PLPPR1: variants seen among roughly 807,000 people sequenced by gnomAD.
The protein encoded by PLPPR1 is phospholipid phosphatase-related protein type 1.
PLPPR1 carries 10 observed loss-of-function variants against 33.1 expected under a neutral mutation model. That is an observed-to-expected ratio of 0.30 (90% CI 0.19 to 0.51). The LOEUF is 0.51. Ranked by LOEUF, PLPPR1 falls within the 20% of genes least tolerant of loss-of-function variation. The pLI is 0.97. For missense variants in PLPPR1, 304 were observed against 408.1 expected (o/e 0.74, Z 2.20); for synonymous variants, 151 against 151.0 (o/e 1.00, Z 0.00).
At chr9:101,263,566 A>G (rs1827937136) in intron 2 of PLPPR1, among the ~76,000 whole-genome samples, 1 of 152,210 alleles carries the variant, frequency 6.6e-6, no homozygotes, top group Non-Finnish European at 1.5e-5. Context: ...GAGAAAACTG[A>G]CACTTGGAAA....
chr9:101,211,436 G>A (rs1028474566), intron 2 of PLPPR1, among the ~76,000 whole-genome samples: 1 of 152,168 alleles, frequency 6.6e-6, no homozygotes, highest in Non-Finnish European at 1.5e-5. Context: ...ATGAGTGACT[G>A]AGATATCTAA....
chr9:101,203,365 A>G (rs974828046), intron 2 of PLPPR1, among the ~76,000 whole-genome samples: 6 of 151,994 alleles, frequency 3.9e-5, no homozygotes, highest in Non-Finnish European at 5.9e-5. Flanking sequence ...TTAGGGGGGG[A>G]AAAAGACTTT....
Position 101,224,521 on chromosome 9 carries a change from G to A in PLPPR1, c.63+38964G>A, listed in dbSNP as rs183662588. 4.0e-4 allele frequency among the ~76,000 whole-genome samples: 61 copies of A among 152,174 alleles called. No individual in the cohort carries two copies. In the East Asian group the frequency reaches 0.011, roughly 27 times the overall value. On this transcript the variant is annotated intron_variant, in intron 2 of 7. Transcript: ENST00000374874. ...GGCATCGTGGTGACGGTTTCACTTC[G>A]GAAAGAAAACACACTATGAGCTCTG...
chr9:101,194,240 A>G (rs1826353202), intron 2 of PLPPR1, among the ~76,000 whole-genome samples: 1 of 152,220 alleles, frequency 6.6e-6, no homozygotes, highest in African/African-American at 2.4e-5. Context: ...CAACCCAGCT[A>G]TATAAAATCT....
chr9:101,032,429 C>A (rs149258698), intron 1 of PLPPR1, among the ~76,000 whole-genome samples: 47 of 152,198 alleles, frequency 3.1e-4, no homozygotes, highest in African/African-American at 1.1e-3. Flanking sequence ...ATCTGAAAGA[C>A]AAGTGAAATA....
At chr9:101,110,780 G>T (rs1367685209) in intron 1 of PLPPR1, among the ~76,000 whole-genome samples, 2 of 152,080 alleles carry the variant, frequency 1.3e-5, no homozygotes, top group African/African-American at 4.8e-5. Flanking sequence ...ATAGGTGTTT[G>T]CTTTTTGAGA....
intron 2 of PLPPR1, among the ~76,000 whole-genome samples, chr9:101,216,373 T>G (rs939679547): frequency 6.6e-6 from 1 of 152,148 alleles, no homozygotes; most frequent in Admixed American, 6.5e-5. Context: ...GATTGGATTT[T>G]TTTGTTTGTT....
At chr9:101,176,279 G>A (rs571106716) in intron 1 of PLPPR1, among the ~76,000 whole-genome samples, 28 of 152,214 alleles carry the variant, frequency 1.8e-4, no homozygotes, top group African/African-American at 5.8e-4. Flanking sequence ...AGGTAAGGAG[G>A]GTCCCAAAAC....
intron 1 of PLPPR1, among the ~76,000 whole-genome samples, chr9:101,036,962 G>T (rs73508740): frequency 0.037 from 5,681 of 152,142 alleles, 276 homozygotes; most frequent in South Asian, 0.2. Flanking sequence ...CTGAAAACCT[G>T]ATCTAAGTCC....
chr9:101,297,486 T>C, intron 4 of PLPPR1, among the ~76,000 whole-genome samples: 1 of 152,244 alleles, frequency 6.6e-6, no homozygotes, highest in Non-Finnish European at 1.5e-5. Context: ...TAGCAAATGC[T>C]AATGGTGTTG....
chr9:101,197,707 G>A (rs446911), intron 2 of PLPPR1, among the ~76,000 whole-genome samples: 134,355 of 152,246 alleles, frequency 0.88, 59,363 homozygotes, highest in East Asian at 0.95. Flanking sequence ...CATTTTCTGC[G>A]TTGAACTTGT....
At chr9:101,248,082 C>A (rs1395976775) in intron 2 of PLPPR1, among the ~76,000 whole-genome samples, 1 of 151,954 alleles carries the variant, frequency 6.6e-6, no homozygotes, top group African/African-American at 2.4e-5. Context: ...TATAAGGTGT[C>A]AGGTGATGAA....
chr9:101,107,979 G>A (rs917379528), intron 1 of PLPPR1, among the ~76,000 whole-genome samples: 6 of 150,044 alleles, frequency 4.0e-5, no homozygotes, highest in African/African-American at 1.2e-4. Flanking sequence ...CGCTTCCCAG[G>A]TGAGGCAATG....
intron 2 of PLPPR1, among the ~76,000 whole-genome samples, chr9:101,191,068 A>G (rs1826289700): frequency 6.6e-6 from 1 of 152,184 alleles, no homozygotes; most frequent in African/African-American, 2.4e-5. Flanking sequence ...TTTAAAAGCC[A>G]GGATATAAAC....
At chr9:101,305,525 G>A (rs1828842693) in intron 4 of PLPPR1, among the ~76,000 whole-genome samples, 1 of 152,046 alleles carries the variant, frequency 6.6e-6, no homozygotes, top group African/African-American at 2.4e-5. Flanking sequence ...AGACTTTCCG[G>A]GCCTAAAAGG....
intron 1 of PLPPR1, among the ~76,000 whole-genome samples, chr9:101,175,638 C>G (rs1826007937): frequency 6.6e-6 from 1 of 152,130 alleles, no homozygotes; most frequent in South Asian, 2.1e-4. Context: ...ATTTGACTAG[C>G]TTATTGCTTC....
At chr9:101,085,861 CG>C (rs200287379) in intron 1 of PLPPR1, among the ~76,000 whole-genome samples, 22 of 151,130 alleles carry the variant, frequency 1.5e-4, no homozygotes, top group East Asian at 5.9e-4. Context: ...GGAAATGGAC[CG>C]GGGGGGGCTC....
chr9:101,217,225 TA>T (rs1276153254), intron 2 of PLPPR1, among the ~76,000 whole-genome samples: 1 of 151,856 alleles, frequency 6.6e-6, no homozygotes, highest in Non-Finnish European at 1.5e-5. Flanking sequence ...TCTATCACAT[TA>T]AAAAAAATCA....
chr9:101,147,604 C>T (rs1261649581), intron 1 of PLPPR1, among the ~76,000 whole-genome samples: 1 of 151,916 alleles, frequency 6.6e-6, no homozygotes, highest in African/African-American at 2.4e-5. Flanking sequence ...AAGAGGGGGA[C>T]ATATGTGGAG....
Sources: gnomAD v4.1 joint callset for allele counts (sites outside exome capture counted in the v4.1 genomes callset) on GRCh38, gnomAD v4.1.1 for gene constraint, MANE v1.5 for transcripts, NCBI Gene and HGNC (gene_info 2026-07-23, HGNC 2026-07-21) for gene names.